Variants in TP63 observed in about 807,000 individuals in gnomAD.
The protein encoded by TP63 is tumor protein 63.
A neutral mutation model predicts 82.8 loss-of-function variants in TP63; 17 were observed. The observed-to-expected ratio is 0.21, with a 90% CI of 0.14 to 0.31. The LOEUF is 0.31. TP63 is among the 10% of genes least tolerant of loss of function. The pLI is 1.00. For missense variants in TP63, 648 were observed against 895.3 expected, an observed-to-expected ratio of 0.72 and a Z score of 3.52; for synonymous variants, 330 against 321.7, an observed-to-expected ratio of 1.03 and a Z score of -0.28.
chr3:189,766,426 T>A (rs1722966026), intron 3 of TP63, among the ~76,000 whole-genome samples: 1 of 152,282 alleles, frequency 6.6e-6, no homozygotes, highest in Non-Finnish European at 1.5e-5. Flanking sequence ...GGTTTTTTTT[T>A]TCTGTGGAGG....
At chr3:189,781,548 AGTTCAT>A (rs1466951871) in intron 3 of TP63, among the ~76,000 whole-genome samples, 1 of 152,132 alleles carries the variant, frequency 6.6e-6, no homozygotes, top group Non-Finnish European at 1.5e-5. Context: ...CCCCACCTGG[AGTTCAT>A]CTAGGATTCC....
intron 4 of TP63, among the ~76,000 whole-genome samples, chr3:189,812,175 A>C (rs1184189879): frequency 6.6e-6 from 1 of 152,104 alleles, no homozygotes. Flanking sequence ...TTCTGGTTTT[A>C]CCCTCAGGAT....
intron 6 of TP63, 99 bp from the exon 7 acceptor site, chr3:189,867,734 T>G: frequency 9.0e-7 from 1 of 1,108,666 alleles, no homozygotes. Context: ...GCGTATCACT[T>G]CATCAGAAGT....
At chr3:189,660,290 T>C (rs758815989) in intron 1 of TP63, among the ~76,000 whole-genome samples, 1 of 152,112 alleles carries the variant, frequency 6.6e-6, no homozygotes, top group East Asian at 1.9e-4. Flanking sequence ...CCCAGCACCA[T>C]TGATTGACTA....
intron 4 of TP63, among the ~76,000 whole-genome samples, chr3:189,845,414 A>G (rs1051928943): frequency 4.6e-5 from 7 of 152,182 alleles, no homozygotes; most frequent in Non-Finnish European, 8.8e-5. Flanking sequence ...TTATTTTCTT[A>G]TAACAGTGAT....
chr3:189,649,993 G>T (rs907720678), intron 1 of TP63, among the ~76,000 whole-genome samples: 1 of 147,206 alleles, frequency 6.8e-6, no homozygotes, highest in African/African-American at 2.5e-5. Flanking sequence ...AAGTTTAGGG[G>T]CTATTGTTCT....
intron 1 of TP63, among the ~76,000 whole-genome samples, chr3:189,665,506 G>A (rs1714303995): frequency 6.6e-6 from 1 of 152,038 alleles, no homozygotes; most frequent in Admixed American, 6.6e-5. Flanking sequence ...TGAAGTGAAT[G>A]TAATATTTGA....
At chr3:189,687,882 A>T (rs1316529881) in intron 1 of TP63, among the ~76,000 whole-genome samples, 1 of 152,198 alleles carries the variant, frequency 6.6e-6, no homozygotes, top group East Asian at 1.9e-4. Context: ...GAACATAAAA[A>T]CTGTGAAGCA....
At chr3:189,724,043 A>T (rs199978719) in intron 1 of TP63, among the ~76,000 whole-genome samples, 1 of 141,488 alleles carries the variant, frequency 7.1e-6, no homozygotes, top group African/African-American at 2.6e-5. Context: ...CATTGTTGCA[A>T]ATATCCACTC....
intron 3 of TP63, among the ~76,000 whole-genome samples, chr3:189,771,074 A>G (rs1004829149): frequency 2.0e-5 from 3 of 151,796 alleles, no homozygotes; most frequent in African/African-American, 7.2e-5. Context: ...ATGAAAAGCC[A>G]CTTAACTTCA....
At chr3:189,607,877 C>A in the TP63 span, among the ~76,000 whole-genome samples, 13 of 152,044 alleles carry the variant, frequency 8.6e-5, no homozygotes, top group Non-Finnish European at 4.4e-5. Context: ...TCTTTCAAAA[C>A]TCATGACTCT....
chr3:189,692,284 CTT>C (rs1341936443), intron 1 of TP63, among the ~76,000 whole-genome samples: 6 of 152,220 alleles, frequency 3.9e-5, no homozygotes, highest in Middle Eastern at 3.4e-3. Context: ...ATATGTGCCT[CTT>C]GTTTTCCTTC....
chr3:189,852,633 T>C (rs1243363017), intron 4 of TP63, among the ~76,000 whole-genome samples: 1 of 152,226 alleles, frequency 6.6e-6, no homozygotes, highest in African/African-American at 2.4e-5. Context: ...GAATAGCTCC[T>C]GATGGGTTTC....
intron 1 of TP63, among the ~76,000 whole-genome samples, chr3:189,675,589 G>T (rs1273934976): frequency 6.6e-6 from 1 of 152,010 alleles, no homozygotes; most frequent in Non-Finnish European, 1.5e-5. Context: ...CCAACCCATA[G>T]ATTTTTTCGC....
chr3:189,607,060 C>G, the TP63 span, among the ~76,000 whole-genome samples: 1 of 152,116 alleles, frequency 6.6e-6, no homozygotes, highest in Non-Finnish European at 1.5e-5. Flanking sequence ...GACCTAGAAC[C>G]AGGTGCCAGT....
intron 2 of TP63, among the ~76,000 whole-genome samples, chr3:189,738,117 A>G (rs1472800299): frequency 6.6e-6 from 1 of 152,226 alleles, no homozygotes; most frequent in Non-Finnish European, 1.5e-5. Flanking sequence ...CACCAAATTC[A>G]CTTCCCCAAT....
At chr3:189,848,169 A>C (rs932130232) in intron 4 of TP63, among the ~76,000 whole-genome samples, 6 of 150,690 alleles carry the variant, frequency 4.0e-5, no homozygotes, top group Non-Finnish European at 8.8e-5. Flanking sequence ...AATGATCTTT[A>C]ACTTTGAATT....
intron 1 of TP63, among the ~76,000 whole-genome samples, chr3:189,669,331 A>G (rs1714688258): frequency 6.6e-6 from 1 of 151,744 alleles, no homozygotes; most frequent in Non-Finnish European, 1.5e-5. Flanking sequence ...ACTGAGGATA[A>G]TTTGTAGTTA....
intron 3 of TP63, among the ~76,000 whole-genome samples, chr3:189,751,642 C>A (rs1721828302): frequency 6.6e-6 from 1 of 152,146 alleles, no homozygotes; most frequent in Non-Finnish European, 1.5e-5. Context: ...CTGTTCATAT[C>A]CTTCACCCAC....
Sources: gnomAD v4.1 joint callset for allele counts (sites outside exome capture counted in the v4.1 genomes callset) on GRCh38, gnomAD v4.1.1 for gene constraint, MANE v1.5 for transcripts, NCBI Gene and HGNC (gene_info 2026-07-23, HGNC 2026-07-21) for gene names.